The following MBNL3 variants were observed in gnomAD, a reference collection of about 807,000 sequenced individuals.
The protein encoded by MBNL3 is muscleblind-like protein 3.
A neutral mutation model predicts 24.5 loss-of-function variants in MBNL3; 6 were observed. The observed-to-expected ratio is 0.25, with a 90% CI of 0.13 to 0.48. The LOEUF (loss-of-function observed/expected upper bound fraction) is 0.48, where lower values mean the gene tolerates loss of function less well. Among genes scored for constraint, MBNL3 ranks in the 20% least tolerant of loss-of-function variants. The pLI is 0.99. For missense variants in MBNL3, 230 were observed against 293.5 expected (o/e 0.78, Z 1.58); for synonymous variants, 100 against 101.7 (o/e 0.98, Z 0.10).
At chrX:132,397,203 C>T (rs1489971698) in intron 3 of MBNL3, among the ~76,000 whole-genome samples, 2 of 108,395 alleles carry the variant, frequency 1.8e-5, no homozygotes, top group Admixed American at 2.0e-4. Context: ...ATTTTAAAAG[C>T]CACCACAGAT....
intron 3 of MBNL3, among the ~76,000 whole-genome samples, chrX:132,394,324 T>A (rs1385424681): frequency 8.9e-6 from 1 of 112,037 alleles, no homozygotes; most frequent in Non-Finnish European, 1.9e-5. Flanking sequence ...TGATGTGACA[T>A]GATTTTATAT....
intron 1 of MBNL3, among the ~76,000 whole-genome samples, chrX:132,447,107 G>C (rs759569335): frequency 4.1e-4 from 46 of 111,202 alleles, no homozygotes; most frequent in Admixed American, 1.1e-3. Context: ...TGTTCCATTG[G>C]TCTATATATT....
Position 132,371,657 on chromosome X carries a change from G to C in MBNL3, c.*8009C>G, listed in dbSNP as rs1260415268. On this transcript the variant is annotated 3_prime_UTR_variant, in exon 9 of 9. Transcript: ENST00000370853. ...GAGAAACTTCTAATAATGCATCTTA[G>C]AATATGCCTCAGGATTTCTGAGGCA... 2 of 111,247 alleles carry C rather than the reference G, an allele frequency of 1.8e-5. No homozygotes were observed. Among genetic ancestry groups the C allele is most frequent in the Non-Finnish European group, 3.8e-5 (2 of 52,939 alleles). The allele number at this position is 111,247 out of a possible 1,213,427, so 9.2% of individuals were successfully genotyped here.
rs867150053 is a variant in MBNL3, at chrX:132,396,524, A to C, written c.343-4190T>G. Among the ~76,000 whole-genome samples, 265 of 51,531 alleles carry C rather than the reference A, an allele frequency of 5.1e-3. 25 individuals are homozygous for C. Among genetic ancestry groups the C allele is most frequent in the African/African-American group, 0.044 (249 of 5,722 alleles). The allele number at this position is 51,531 out of a possible 115,157, so 44.7% of individuals were successfully genotyped here. On this transcript the variant is annotated intron_variant, in intron 3 of 8. Transcript: ENST00000370853. Reference sequence around the variant, plus strand: ...CCTATATATATTCATATATATTCATATATATATTCATATATATATTCCTAT... The same window carrying C: ...CCTATATATATTCATATATATTCATCTATATATTCATATATATATTCCTAT...
At chrX:132,396,911 T>C (rs1177649120) in intron 3 of MBNL3, among the ~76,000 whole-genome samples, 4 of 73,233 alleles carry the variant, frequency 5.5e-5, no homozygotes, top group Non-Finnish European at 9.8e-5. Context: ...TATATACATA[T>C]ATACATATAT....
chrX:132,390,698 GTTCT>G, intron 5 of MBNL3, 145 bp downstream of exon 5: 1 of 447,899 alleles, frequency 2.2e-6, no homozygotes, highest in Non-Finnish European at 3.9e-6. Context: ...GAATAAATAG[GTTCT>G]TTCTTTTCCA....
At chrX:132,455,896 A>T (rs753474951) in intron 1 of MBNL3, among the ~76,000 whole-genome samples, 1 of 111,808 alleles carries the variant, frequency 8.9e-6, no homozygotes, top group Non-Finnish European at 1.9e-5. Flanking sequence ...TTTCAACACA[A>T]CTGCCGTGAC....
intron 8 of MBNL3, chrX:132,381,380 A>G (rs1934909723): frequency 1.7e-6 from 2 of 1,176,339 alleles, no homozygotes; most frequent in Non-Finnish European, 2.3e-6. Context: ...GAACTTCTAC[A>G]TCTGTGAAAC....
At position 132,377,845 on chromosome X, in the gene MBNL3, C is replaced by T. The variant is rs199687404; in HGVS notation, c.*1821G>A. On this transcript the variant is annotated 3_prime_UTR_variant, in exon 9 of 9. Coordinates refer to ENST00000370853, the MANE Select transcript of MBNL3 (RefSeq NM_001386889.1). Reference sequence around the variant, plus strand: ...TATATATGTATATGATGGTTTTATACTTTCTGGTGGAAGAGCGCCTATTTA... The same window carrying T: ...TATATATGTATATGATGGTTTTATATTTTCTGGTGGAAGAGCGCCTATTTA... 2 of 109,043 alleles carry T rather than the reference C, an allele frequency of 1.8e-5. No homozygotes were observed. Among genetic ancestry groups the T allele is most frequent in the East Asian group, 5.7e-4 (2 of 3,492 alleles). The allele number at this position is 109,043 out of a possible 1,213,427, so 9.0% of individuals were successfully genotyped here. A position where few individuals can be genotyped will look rare whatever the true frequency, so the allele number is the denominator to read the frequency against.
intron 1 of MBNL3, among the ~76,000 whole-genome samples, chrX:132,454,260 CACAT>C (rs750248816): frequency 1.3e-4 from 14 of 111,422 alleles, no homozygotes; most frequent in Non-Finnish European, 1.9e-4. Flanking sequence ...CACACACACA[CACAT>C]ATCAAAAGCT....
chrX:132,411,271 A>G (rs1232511672), intron 2 of MBNL3: 1 of 752,148 alleles, frequency 1.3e-6, no homozygotes, highest in African/African-American at 2.3e-5. Flanking sequence ...CGCAAACCAG[A>G]TAACAAGTTT....
intron 2 of MBNL3, chrX:132,430,905 C>T (rs908744312): frequency 9.0e-6 from 1 of 111,402 alleles, no homozygotes; most frequent in African/African-American, 3.3e-5. Context: ...GCTGGGACTA[C>T]AGGCATGCAC....
At position 132,378,319 on chromosome X, in the gene MBNL3, T is replaced by C. The variant is rs1282972893; in HGVS notation, c.*1347A>G. 1 of 111,182 alleles carries C rather than the reference T, an allele frequency of 9.0e-6. No individual in the cohort carries two copies. Among genetic ancestry groups the C allele is most frequent in the Non-Finnish European group, 1.9e-5 (1 of 52,924 alleles). 9.2% of individuals were successfully genotyped at this position (111,182 alleles called of 1,213,427 possible). ...TTCTTTTGAATAAATCAAGGAATAA[T>C]TGTAAGTGCTTCCCTGTTCCCTGTC... On this transcript the variant is annotated 3_prime_UTR_variant, in exon 9 of 9. Transcript: ENST00000370853.
At chrX:132,395,947 A>C (rs1160075014) in intron 3 of MBNL3, among the ~76,000 whole-genome samples, 1 of 111,213 alleles carries the variant, frequency 9.0e-6, no homozygotes. Flanking sequence ...ACTAGGGCCC[A>C]TAAGCCAAAT....
chrX:132,485,927 A>T (rs769435053), intron 1 of MBNL3, among the ~76,000 whole-genome samples: 2 of 112,380 alleles, frequency 1.8e-5, no homozygotes, highest in Non-Finnish European at 3.8e-5. Flanking sequence ...TGCCTAGTAG[A>T]CAATGTCATA....
rs1933807595 is a variant in MBNL3 at position 132,373,347 on chromosome X, T to G, written c.*6319A>C. On this transcript the variant is annotated 3_prime_UTR_variant, in exon 9 of 9. Coordinates refer to ENST00000370853, the MANE Select transcript of MBNL3 (RefSeq NM_001386889.1). Reference sequence around the variant, plus strand: ...TTAAATTGGGAAATTATGTTGGAGATAAGGCTGAAGTTGGAGTTCCTAACT... The same window carrying G: ...TTAAATTGGGAAATTATGTTGGAGAGAAGGCTGAAGTTGGAGTTCCTAACT... 8.9e-6 allele frequency: 1 copy of G among 111,793 alleles called. No individual in the cohort carries two copies. Among genetic ancestry groups the G allele is most frequent in the African/African-American group, 3.2e-5 (1 of 30,851 alleles). The allele number at this position is 111,793 out of a possible 1,213,427, so 9.2% of individuals were successfully genotyped here.
In MBNL3 at chrX:132,439,731, T is replaced by C; in HGVS notation, c.-120A>G. On this transcript the variant is annotated 5_prime_UTR_variant, in exon 2 of 9. Coordinates refer to ENST00000370853, the MANE Select transcript of MBNL3 (RefSeq NM_001386889.1). ...GAGATAACAGGTTGCTTTGGTGAAA[T>C]GTCTATTTGTTAACACTTAGGTTTT... 9.9e-7 allele frequency: 1 copy of C among 1,012,866 alleles called. No homozygotes were observed. The highest frequency in any genetic ancestry group is 1.3e-6 in the Non-Finnish European group (1 of 786,137). The allele number at this position is 1,012,866 out of a possible 1,213,427, so 83.5% of individuals were successfully genotyped here. A position where few individuals can be genotyped will look rare whatever the true frequency, so the allele number is the denominator to read the frequency against.
intron 1 of MBNL3, among the ~76,000 whole-genome samples, chrX:132,453,999 C>A (rs923335210): frequency 9.0e-6 from 1 of 111,460 alleles, no homozygotes; most frequent in Admixed American, 9.5e-5. Context: ...GGCTGAAGCA[C>A]GAGAATCGCT....
chrX:132,396,877 C>CAT (rs1169954485), intron 3 of MBNL3, among the ~76,000 whole-genome samples: 1 of 49,258 alleles, frequency 2.0e-5, no homozygotes, highest in Non-Finnish European at 3.5e-5. Flanking sequence ...TTCATATATA[C>CAT]ATATATATTC....
Sources: allele counts gnomAD v4.1 joint callset (sites outside exome capture counted in the v4.1 genomes callset), GRCh38; gene constraint gnomAD v4.1.1; transcripts MANE v1.5; gene names NCBI Gene and HGNC (gene_info 2026-07-23, HGNC 2026-07-21).